Variants in PAPPA2 observed in about 807,000 individuals in gnomAD.
The protein encoded by PAPPA2 is pappalysin 2, also known as pappalysin-2.
In PAPPA2, 86 loss-of-function variants were observed where a neutral mutation model predicts 176.4. That is an observed-to-expected ratio of 0.49 (90% CI 0.41 to 0.58). The LOEUF (loss-of-function observed/expected upper bound fraction) is 0.58, where lower values mean the gene tolerates loss of function less well. PAPPA2 is among the 20% of genes least tolerant of loss of function. The probability of loss-of-function intolerance (pLI) is 0.00; values close to 1 mark genes in which losing one functional copy is unlikely to be tolerated. For synonymous variants in PAPPA2, 809 were observed against 852.2 expected, an observed-to-expected ratio of 0.95 and a Z score of 0.88; for missense variants, 2,073 against 2,256.9, an observed-to-expected ratio of 0.92 and a Z score of 1.65.
At chr1:176,727,097 A>C (rs959951034) in intron 12 of PAPPA2, among the ~76,000 whole-genome samples, 10 of 152,200 alleles carry the variant, frequency 6.6e-5, no homozygotes, top group African/African-American at 2.4e-4. Context: ...GGAAAAGTCA[A>C]AGAGAAGATT....
At chr1:176,703,103 G>T (rs1473186318) in intron 9 of PAPPA2, among the ~76,000 whole-genome samples, 2 of 152,118 alleles carry the variant, frequency 1.3e-5, no homozygotes, top group African/African-American at 4.8e-5. Context: ...GCAGAAGAAG[G>T]TTACTCATCA....
chr1:176,807,322 G>A (rs1300464748), intron 21 of PAPPA2, among the ~76,000 whole-genome samples: 4 of 151,974 alleles, frequency 2.6e-5, no homozygotes, highest in African/African-American at 9.7e-5. Context: ...AGTTGGTAAA[G>A]GACTGTTTAA....
At position 176,807,454 on chromosome 1, in the gene PAPPA2, A is replaced by C. The variant is rs557911144; in HGVS notation, c.5202+7322A>C. ...TTAGAAAAAAAGAAGTTGAACAATAAGAGCTACCTGCCTGCCAAGTTTGAT... is the reference window on the plus strand; with the variant it reads ...TTAGAAAAAAAGAAGTTGAACAATACGAGCTACCTGCCTGCCAAGTTTGAT... On this transcript the variant is annotated intron_variant, in intron 21 of 22. Transcript: ENST00000367662. Among the ~76,000 whole-genome samples the C allele has an allele frequency of 3.3e-5, 5 of 152,040 alleles. No homozygotes were observed. In the South Asian group the frequency reaches 1.0e-3, roughly 32 times the overall value.
chr1:176,697,827 G>C (rs183692497), intron 7 of PAPPA2, among the ~76,000 whole-genome samples: 1 of 152,096 alleles, frequency 6.6e-6, no homozygotes, highest in East Asian at 1.9e-4. Context: ...AGAAAGGCAA[G>C]ACTTTGTCTC....
intron 3 of PAPPA2, among the ~76,000 whole-genome samples, chr1:176,659,318 G>C (rs942758672): frequency 2.0e-5 from 3 of 151,972 alleles, no homozygotes; most frequent in Admixed American, 1.3e-4. Flanking sequence ...TCTGTCCCAG[G>C]CTCCGCTCCT....
Position 176,692,177 on chromosome 1 carries a change from G to A in PAPPA2, c.2483G>A (p.Cys828Tyr), listed in dbSNP as rs1371557294. ...CCTAACCAAGTGGCCCGAATGCATTGCTATTTGGACCTAGTCTATCAGCAG... is the reference window on the plus strand; with the variant it reads ...CCTAACCAAGTGGCCCGAATGCATTACTATTTGGACCTAGTCTATCAGCAG... ...FTPNQVARMH[C>Y]YLDLVYQQWT... Residue 828 changes from cysteine to tyrosine, a missense_variant, in exon 6 of 23, where the codon TGC (cysteine) becomes TAC (tyrosine). By Grantham distance (194) the Cys-to-Tyr change is radical. This residue lies in a region of PAPPA2 where 1,196 missense variants were observed against 1,330.4 expected (regional missense o/e 0.90). Coordinates refer to ENST00000367662, the MANE Select transcript of PAPPA2 (RefSeq NM_020318.3). 1 of 1,614,044 alleles carries A rather than the reference G, an allele frequency of 6.2e-7. No individual in the cohort carries two copies. Among genetic ancestry groups the A allele is most frequent in the Admixed American group, 1.7e-5 (1 of 60,024 alleles).
At chr1:176,502,152 A>G (rs1648000470) in intron 1 of PAPPA2, among the ~76,000 whole-genome samples, 4 of 152,210 alleles carry the variant, frequency 2.6e-5, no homozygotes, top group Admixed American at 2.6e-4. Flanking sequence ...TCCTCCAGAC[A>G]TCTGATTCAA....
At position 176,491,439 on chromosome 1, in the gene PAPPA2, C is replaced by G. The variant is rs75851008; in HGVS notation, c.-917+28021C>G. 2.4e-3 allele frequency among the ~76,000 whole-genome samples: 360 copies of G among 152,108 alleles called. 4 individuals are homozygous for G. The highest frequency in any genetic ancestry group is 8.4e-3 in the African/African-American group (348 of 41,516). ...GTTAGAGGAGGGAGGAAGATATTTGCATGAGAAAAAACACAGAGTTACGAA... is the reference window on the plus strand; with the variant it reads ...GTTAGAGGAGGGAGGAAGATATTTGGATGAGAAAAAACACAGAGTTACGAA... On this transcript the variant is annotated intron_variant, in intron 1 of 22. Transcript: ENST00000367662.
intron 17 of PAPPA2, among the ~76,000 whole-genome samples, chr1:176,780,690 AT>A (rs533824887): frequency 1.1e-3 from 171 of 151,370 alleles, no homozygotes; most frequent in African/African-American, 3.6e-3. Context: ...TAATATTTCT[AT>A]TTGTTTTTAC....
chr1:176,730,337 G>T (rs981826344), intron 12 of PAPPA2, among the ~76,000 whole-genome samples: 1 of 151,320 alleles, frequency 6.6e-6, no homozygotes, highest in Admixed American at 6.6e-5. Context: ...TTCCAATTTT[G>T]AATTTTTTGT....
rs2102913194 is a variant in PAPPA2 at position 176,771,136 on chromosome 1, A to G, written c.4671A>G (p.Lys1557=). The change falls in exon 17 of 23, where the codon AAA becomes AAG. Residue 1557 remains lysine (K), a synonymous_variant. Coordinates refer to ENST00000367662, the MANE Select transcript of PAPPA2 (RefSeq NM_020318.3). ...DVGTICKYEC[K]PGYYVAESAE... is the part of the protein sequence containing the mutation. ...GCACCATCTGCAAATATGAATGCAA[A>G]CCAGGGTACTATGTGGCAGAAAGTG... 1.9e-6 allele frequency: 3 copies of G among 1,614,210 alleles called. No homozygotes were observed. The highest frequency in any genetic ancestry group is 1.1e-5 in the South Asian group (1 of 91,084).
Position 176,840,236 on chromosome 1 carries a change from G to A in PAPPA2, c.5266G>A (p.Gly1756Arg), listed in dbSNP as rs752563091. 1 of 1,613,150 alleles carries A rather than the reference G, an allele frequency of 6.2e-7. No individual in the cohort carries two copies. Among genetic ancestry groups the A allele is most frequent in the Non-Finnish European group, 8.5e-7 (1 of 1,179,472 alleles). The change falls in exon 22 of 23, where the codon GGA becomes AGA. Residue 1756 changes from glycine to arginine, a missense_variant. By Grantham distance (125) the Gly-to-Arg change is moderately radical (BLOSUM62 -2). Around this residue, in one of 4 missense-constraint regions of PAPPA2, gnomAD observed 27 missense variants for 52.1 expected, o/e 0.52. Transcript: ENST00000367662. The part of the protein sequence containing the change: ...NNRAYCHYDG[G>R]DCCSSTLSSK... ...CCGAGCCTACTGCCACTATGACGGG[G>A]GAGACTGCTGCTCTTCCACACTCTC...
chr1:176,816,272 C>CGT (rs36176841), intron 21 of PAPPA2, among the ~76,000 whole-genome samples: 1 of 123,328 alleles, frequency 8.1e-6, no homozygotes, highest in Admixed American at 8.4e-5. Context: ...TATGTACACA[C>CGT]GTATATATAA....
At chr1:176,706,105 A>G (rs968584657) in intron 9 of PAPPA2, among the ~76,000 whole-genome samples, 2 of 152,194 alleles carry the variant, frequency 1.3e-5, no homozygotes, top group Non-Finnish European at 2.9e-5. Context: ...TTTCTGAGCC[A>G]TGAGCTACTT....
chr1:176,772,345 C>CAA (rs1362285222), intron 17 of PAPPA2, among the ~76,000 whole-genome samples: 2 of 152,156 alleles, frequency 1.3e-5, no homozygotes, highest in Non-Finnish European at 2.9e-5. Flanking sequence ...TTTGAACTAA[C>CAA]AAAATCCTAG....
chr1:176,744,477 C>G (rs10913246), intron 14 of PAPPA2, among the ~76,000 whole-genome samples: 34,382 of 152,016 alleles, frequency 0.23, 4,560 homozygotes, highest in African/African-American at 0.36. Flanking sequence ...GACTCAGTAG[C>G]ATTTTACCTT....
chr1:176,655,450 A>G (rs1043470039), intron 3 of PAPPA2, among the ~76,000 whole-genome samples: 9 of 151,874 alleles, frequency 5.9e-5, no homozygotes, highest in Non-Finnish European at 1.0e-4. Flanking sequence ...AAATAATCAC[A>G]TTAAAATGGG....
At chr1:176,593,593 A>C (rs553933653) in intron 2 of PAPPA2, among the ~76,000 whole-genome samples, 4 of 152,316 alleles carry the variant, frequency 2.6e-5, no homozygotes, top group Admixed American at 1.3e-4. Flanking sequence ...CCTGAGTCCC[A>C]TCTGTGATCA....
At chr1:176,833,553 T>C (rs191232959) in intron 21 of PAPPA2, among the ~76,000 whole-genome samples, 1 of 152,276 alleles carries the variant, frequency 6.6e-6, no homozygotes, top group East Asian at 1.9e-4. Flanking sequence ...TGGTTTACAG[T>C]TTCTTTGTTT....
Sources: gnomAD v4.1 joint callset for allele counts (sites outside exome capture counted in the v4.1 genomes callset) on GRCh38, gnomAD v4.1.1 for gene constraint, gnomAD v4.1.1 regional missense constraint, MANE v1.5 for transcripts, NCBI Gene and HGNC (gene_info 2026-07-23, HGNC 2026-07-21) for gene names.